Variants in SDK2 observed in about 807,000 individuals in gnomAD.
SDK2 encodes the protein sidekick cell adhesion molecule 2.
Under a neutral mutation model 253.9 loss-of-function variants are expected in SDK2, and 105 were observed. The observed-to-expected ratio is 0.41, with a 90% CI of 0.35 to 0.49. SDK2 has a LOEUF of 0.49. SDK2 is among the 20% of genes least tolerant of loss of function. The probability of loss-of-function intolerance (pLI) is 0.06; values close to 1 mark genes in which losing one functional copy is unlikely to be tolerated. For synonymous variants in SDK2, 1,249 were observed against 1,234.9 expected (o/e 1.01, Z -0.24); for missense variants, 2,608 against 3,003.0 (o/e 0.87, Z 3.07).
intron 29 of SDK2, 48 bp downstream of exon 29, chr17:73,390,239 C>A: frequency 4.8e-6 from 7 of 1,463,572 alleles, no homozygotes; most frequent in Non-Finnish European, 5.5e-6. Context: ...ACTGGCTGGC[C>A]CCCCCTCAGC....
rs2063704259 is a variant in SDK2 at position 73,478,923 on chromosome 17, A to T, written c.225-6705T>A. Among the ~76,000 whole-genome samples the T allele has an allele frequency of 2.6e-5, 4 of 152,336 alleles. No individual in the cohort carries two copies. In the South Asian group the frequency reaches 8.3e-4, roughly 32 times the overall value. Reference sequence around the variant, plus strand: ...AGGAAGGAGGTGTGTGTGAGTGCACATGTGCACACTTGTGCACATACACGG... The same window carrying T: ...AGGAAGGAGGTGTGTGTGAGTGCACTTGTGCACACTTGTGCACATACACGG... On this transcript the variant is annotated intron_variant, in intron 2 of 44. Transcript: ENST00000392650.
chr17:73,435,731 A>G lies in SDK2; in HGVS notation c.1001-87T>C, dbSNP rs2063363384. 4 of 1,262,310 alleles carry G rather than the reference A, an allele frequency of 3.2e-6. No homozygotes were observed. Among genetic ancestry groups the G allele is most frequent in the Non-Finnish European group, 4.3e-6 (4 of 929,764 alleles). 78.2% of individuals were successfully genotyped at this position (1,262,310 alleles called of 1,614,324 possible). On this transcript the variant is annotated intron_variant, in intron 8 of 44. Transcript: ENST00000392650. The surrounding 1 kb of genome is among the most constrained non-coding windows in gnomAD (Gnocchi z 5.7). ...GTGCTTGGGAGGAGGCCGGGCCCGG[A>G]AATCTGCGAGGGGGTCCCTGGTGAA...
chr17:73,577,224 G>A (rs768165010), intron 1 of SDK2, among the ~76,000 whole-genome samples: 2 of 152,210 alleles, frequency 1.3e-5, no homozygotes, highest in Non-Finnish European at 2.9e-5. Context: ...ACTGTTAGCC[G>A]AGGTTTAGGA....
chr17:73,413,542 T>C (rs1450607648), intron 18 of SDK2, among the ~76,000 whole-genome samples: 2 of 152,190 alleles, frequency 1.3e-5, no homozygotes, highest in African/African-American at 4.8e-5. Context: ...ACTGTTGCTT[T>C]AAGCAATCCA....
intron 15 of SDK2, among the ~76,000 whole-genome samples, chr17:73,420,473 G>A (rs1397768578): frequency 6.7e-6 from 1 of 149,504 alleles, no homozygotes; most frequent in South Asian, 2.1e-4. Context: ...CGGGATTATG[G>A]GTGCCTGCCA....
At chr17:73,592,110 T>A (rs1567860767) in intron 1 of SDK2, among the ~76,000 whole-genome samples, 1 of 152,182 alleles carries the variant, frequency 6.6e-6, no homozygotes, top group Admixed American at 6.5e-5. Flanking sequence ...TCAATAACGA[T>A]GAATGCAGGG....
intron 40 of SDK2, among the ~76,000 whole-genome samples, chr17:73,353,146 G>A (rs1341707436): frequency 1.3e-5 from 2 of 151,738 alleles, no homozygotes; most frequent in Admixed American, 6.6e-5. Flanking sequence ...TAAAATATCT[G>A]TACTACATTA....
chr17:73,386,313 C>T (rs930667105), intron 31 of SDK2, 132 bp downstream of exon 31: 25 of 690,110 alleles, frequency 3.6e-5, no homozygotes, highest in Middle Eastern at 3.8e-4. Context: ...GACCCTACCC[C>T]GGGAGCTGAA....
In SDK2 at chr17:73,585,589, C is replaced by T. The variant is rs987471448; in HGVS notation, c.64+58436G>A. On this transcript the variant is annotated intron_variant, in intron 1 of 44. Coordinates refer to ENST00000392650, the MANE Select transcript of SDK2 (RefSeq NM_001144952.2). ...AAAATCCCCCATCTCCATGGCCAGG[C>T]GGGGAAATACTGGCTAAAACCCTGT... Among the ~76,000 whole-genome samples, 14 of 152,182 alleles carry T rather than the reference C, an allele frequency of 9.2e-5. No homozygotes were observed. In the East Asian group the frequency reaches 1.9e-3, roughly 21 times the overall value.
intron 1 of SDK2, among the ~76,000 whole-genome samples, chr17:73,560,496 T>C (rs1379023199): frequency 6.6e-6 from 1 of 151,820 alleles, no homozygotes; most frequent in African/African-American, 2.4e-5. Flanking sequence ...TGCGCCACCA[T>C]GCGCGTCTAA....
intron 1 of SDK2, among the ~76,000 whole-genome samples, chr17:73,619,142 G>A (rs868171109): frequency 2.6e-5 from 4 of 151,230 alleles, no homozygotes; most frequent in Admixed American, 6.6e-5. Flanking sequence ...ACTCCAGCCT[G>A]GGCAACAGAG....
chr17:73,571,099 C>T (rs566134407), intron 1 of SDK2, among the ~76,000 whole-genome samples: 1 of 151,094 alleles, frequency 6.6e-6, no homozygotes, highest in East Asian at 2.0e-4. Flanking sequence ...GAGTCTTGAT[C>T]TGTCACTGAG....
chr17:73,549,927 G>A (rs1458283599), intron 1 of SDK2, among the ~76,000 whole-genome samples: 2 of 152,194 alleles, frequency 1.3e-5, no homozygotes, highest in Non-Finnish European at 2.9e-5. Flanking sequence ...CCAGGTGGAG[G>A]GGTGGTGGTG....
intron 29 of SDK2, among the ~76,000 whole-genome samples, chr17:73,388,902 C>T (rs1315658525): frequency 1.1e-5 from 1 of 93,726 alleles, no homozygotes; most frequent in Non-Finnish European, 2.2e-5. Context: ...CCCTCCCTCC[C>T]TCCCTCCCTC....
intron 2 of SDK2, among the ~76,000 whole-genome samples, chr17:73,475,203 G>T (rs1425933605): frequency 6.6e-6 from 1 of 152,048 alleles, no homozygotes; most frequent in Non-Finnish European, 1.5e-5. Context: ...CCAGGCTGAA[G>T]TGCAGTGGTG....
intron 1 of SDK2, among the ~76,000 whole-genome samples, chr17:73,559,962 T>A (rs543018596): frequency 6.6e-6 from 1 of 152,262 alleles, no homozygotes; most frequent in East Asian, 1.9e-4. Flanking sequence ...TCAGTGGCAG[T>A]CACCCCTGGG....
At chr17:73,402,485 C>T (rs1430482917) in intron 18 of SDK2, among the ~76,000 whole-genome samples, 1 of 152,186 alleles carries the variant, frequency 6.6e-6, no homozygotes, top group Non-Finnish European at 1.5e-5. Flanking sequence ...AAAATTTAGC[C>T]CTTGTTCAAA....
Position 73,399,272 on chromosome 17 carries a change from T to TG in SDK2, c.2988dup (p.Thr997HisfsTer54), listed in dbSNP as rs770900315. On this transcript the variant is annotated frameshift_variant, in exon 22 of 45. Coordinates refer to ENST00000392650, the MANE Select transcript of SDK2 (RefSeq NM_001144952.2). LOFTEE classifies it high-confidence loss of function. ...CCGATGTTGGAAATGCCCAGGTTGGTGGGGGGCCCTGGGAGTTCTGGAAAA... is the reference window on the plus strand; with the variant it reads ...CCGATGTTGGAAATGCCCAGGTTGGTGGGGGGGCCCTGGGAGTTCTGGAAAA... 1.9e-6 allele frequency: 3 copies of TG among 1,613,374 alleles called. No homozygotes were observed. The highest frequency in any genetic ancestry group is 2.5e-6 in the Non-Finnish European group (3 of 1,179,602).
intron 1 of SDK2, among the ~76,000 whole-genome samples, chr17:73,583,000 C>T (rs190627848): frequency 6.6e-6 from 1 of 152,252 alleles, no homozygotes; most frequent in Admixed American, 6.5e-5. Flanking sequence ...TTACACAGCC[C>T]GCCTCCTCTC....
Sources: allele counts gnomAD v4.1 joint callset (sites outside exome capture counted in the v4.1 genomes callset), GRCh38; gene constraint gnomAD v4.1.1; non-coding constraint Gnocchi (gnomAD v3.1); transcripts MANE v1.5; gene names NCBI Gene and HGNC (gene_info 2026-07-23, HGNC 2026-07-21).